Variants in PPP2R2C observed in about 807,000 individuals in gnomAD.
The protein encoded by PPP2R2C is protein phosphatase 2 regulatory subunit Bgamma, also known as protein phosphatase 2, regulatory subunit B, gamma.
In PPP2R2C, 10 loss-of-function variants were observed where a neutral mutation model predicts 45.3. The observed-to-expected ratio is 0.22, with a 90% CI of 0.14 to 0.37. The LOEUF (loss-of-function observed/expected upper bound fraction) is 0.37, where lower values mean the gene tolerates loss of function less well. Among genes scored for constraint, PPP2R2C ranks in the 10% least tolerant of loss-of-function variants. The probability of loss-of-function intolerance (pLI) is 1.00; values close to 1 mark genes in which losing one functional copy is unlikely to be tolerated. For synonymous variants in PPP2R2C, 257 were observed against 245.4 expected (o/e 1.05, Z -0.44); for missense variants, 308 against 619.7 (o/e 0.50, Z 5.34).
At chr4:6,459,248 A>G (rs4689008) in intron 1 of PPP2R2C, among the ~76,000 whole-genome samples, 27,912 of 152,098 alleles carry the variant, frequency 0.18, 2,753 homozygotes, top group East Asian at 0.38. Flanking sequence ...GCTGGATATT[A>G]GGCAGGCAGC....
At chr4:6,477,458 G>A (rs1722201467), upstream of PPP2R2C, among the ~76,000 whole-genome samples, 1 of 152,126 alleles carries the variant, frequency 6.6e-6, no homozygotes, top group African/African-American at 2.4e-5. Context: ...TGGGCACGGT[G>A]CCTCACGCCT....
At chr4:6,452,748 C>A (rs1367491781) in intron 1 of PPP2R2C, among the ~76,000 whole-genome samples, 1 of 152,238 alleles carries the variant, frequency 6.6e-6, no homozygotes, top group African/African-American at 2.4e-5. Context: ...GTGGGGCTCA[C>A]AGGGTGAGAC....
intron 1 of PPP2R2C, among the ~76,000 whole-genome samples, chr4:6,537,566 T>C (rs1229849647): frequency 6.6e-6 from 1 of 151,566 alleles, no homozygotes; most frequent in Non-Finnish European, 1.5e-5. Flanking sequence ...TTTTTTTTTT[T>C]TGGAGATGGA....
At chr4:6,469,384 T>C (rs1721745885) in intron 1 of PPP2R2C, among the ~76,000 whole-genome samples, 2 of 152,122 alleles carry the variant, frequency 1.3e-5, no homozygotes, top group African/African-American at 4.8e-5. Flanking sequence ...AGCTGGGGTG[T>C]GGTGGGGGAG....
chr4:6,511,749 GGCA>G, intron 2 of PPP2R2C, among the ~76,000 whole-genome samples: 1 of 91,778 alleles, frequency 1.1e-5, no homozygotes, highest in Non-Finnish European at 2.4e-5. Flanking sequence ...TGGTGGTGAT[GGCA>G]ATGGTGGTGG....
chr4:6,396,424 C>T lies in PPP2R2C; in HGVS notation c.71-15330G>A, dbSNP rs189118720. ...ACAGAGGCACATTCAGCAGGGCTGA[C>T]GGAGATAGGCAGGTCTGGAGCCCTC... On this transcript the variant is annotated intron_variant, in intron 1 of 8. Transcript: ENST00000382599. Among the ~76,000 whole-genome samples the T allele has an allele frequency of 1.0e-3, 155 of 152,294 alleles. 1 individual carries two copies. The highest frequency in any genetic ancestry group is 3.5e-3 in the African/African-American group (145 of 41,562).
intron 6 of PPP2R2C, among the ~76,000 whole-genome samples, chr4:6,340,598 C>A (rs555577090): frequency 1.3e-5 from 2 of 152,144 alleles, no homozygotes; most frequent in Admixed American, 6.5e-5. Context: ...GCAGGGCCCA[C>A]CACCTTCCCC....
At position 6,372,679 on chromosome 4, in the gene PPP2R2C, C is replaced by T. The variant is rs1714947709; in HGVS notation, c.469G>A (p.Asp157Asn). 6.2e-7 allele frequency: 1 copy of T among 1,614,000 alleles called. No homozygotes were observed. The highest frequency in any genetic ancestry group is 8.5e-7 in the Non-Finnish European group (1 of 1,179,976). The change falls in exon 5 of 9, where the codon GAT becomes AAT. Residue 157 changes from aspartate to asparagine, a missense_variant. Transcript: ENST00000382599. Reference sequence around the variant, plus strand: ...CGAGGGCTCACCTCCACCATCAGATCCATGGGCTTCAGCACTGGCACCTGC... The same window carrying T: ...CGAGGGCTCACCTCCACCATCAGATTCATGGGCTTCAGCACTGGCACCTGC... Reference protein sequence around the residue: ...SLQVPVLKPMDLMVEVSPRRI... With the variant: ...SLQVPVLKPMNLMVEVSPRRI...
At chr4:6,493,533 C>CA (rs1722777388) in intron 2 of PPP2R2C, among the ~76,000 whole-genome samples, 2 of 151,540 alleles carry the variant, frequency 1.3e-5, no homozygotes, top group East Asian at 3.9e-4. Context: ...ATCAAGATGA[C>CA]ACACTCCGTA....
chr4:6,422,776 C>T (rs1719061935), intron 1 of PPP2R2C, among the ~76,000 whole-genome samples: 1 of 152,228 alleles, frequency 6.6e-6, no homozygotes, highest in Non-Finnish European at 1.5e-5. Context: ...TGTCTCAAAA[C>T]ACAGTCACAT....
At chr4:6,417,367 A>G (rs561731628) in intron 1 of PPP2R2C, among the ~76,000 whole-genome samples, 11 of 152,336 alleles carry the variant, frequency 7.2e-5, no homozygotes, top group African/African-American at 2.6e-4. Flanking sequence ...CCCTTGTTCC[A>G]CTGTCTGCTG....
rs1243589475 is a variant in PPP2R2C, at chr4:6,368,845, T to C, written c.625+3678A>G. Among the ~76,000 whole-genome samples, 1 of 152,074 alleles carries C rather than the reference T, an allele frequency of 6.6e-6. No individual in the cohort carries two copies. The highest frequency in any genetic ancestry group is 2.4e-5 in the African/African-American group (1 of 41,398). ...CCACCCACGACACACACCCACGACATACACACCTCCAAAGCTGGCTAGTGA... is the reference window on the plus strand; with the variant it reads ...CCACCCACGACACACACCCACGACACACACACCTCCAAAGCTGGCTAGTGA... On this transcript the variant is annotated intron_variant, in intron 5 of 8. Coordinates refer to ENST00000382599, the MANE Select transcript of PPP2R2C (RefSeq NM_020416.4). The surrounding 1 kb of genome is among the most constrained non-coding windows in gnomAD (Gnocchi z 4.2).
At chr4:6,358,552 C>T (rs1713441789) in intron 5 of PPP2R2C, among the ~76,000 whole-genome samples, 1 of 147,190 alleles carries the variant, frequency 6.8e-6, no homozygotes, top group Admixed American at 6.8e-5. Flanking sequence ...TCAGAGCAAA[C>T]AGGCAACCTA....
intron 6 of PPP2R2C, among the ~76,000 whole-genome samples, chr4:6,337,869 G>T: frequency 6.6e-6 from 1 of 152,232 alleles, no homozygotes; most frequent in East Asian, 1.9e-4. Flanking sequence ...GCAAACGATA[G>T]ATCGGAAGGG....
intron 1 of PPP2R2C, among the ~76,000 whole-genome samples, chr4:6,401,374 A>G (rs2109350075): frequency 6.6e-6 from 1 of 152,268 alleles, no homozygotes; most frequent in South Asian, 2.1e-4. Context: ...CTTCACTTCT[A>G]CATTTATTTT....
chr4:6,446,834 G>A (rs1019233584), intron 1 of PPP2R2C, among the ~76,000 whole-genome samples: 24 of 152,026 alleles, frequency 1.6e-4, no homozygotes, highest in African/African-American at 3.4e-4. Context: ...GAGAGGATAC[G>A]GCAGCTCACA....
At chr4:6,486,694 A>G (rs1722540004) in intron 2 of PPP2R2C, among the ~76,000 whole-genome samples, 1 of 152,056 alleles carries the variant, frequency 6.6e-6, no homozygotes, top group African/African-American at 2.4e-5. Flanking sequence ...GTGTTAGTTA[A>G]CGCAATATAT....
chr4:6,382,500 T>A (rs778546762), intron 1 of PPP2R2C: 23 of 1,352,038 alleles, frequency 1.7e-5, no homozygotes, highest in Non-Finnish European at 2.1e-5. Context: ...TTCAAAACCC[T>A]TCATTGGTCA....
intron 2 of PPP2R2C, among the ~76,000 whole-genome samples, chr4:6,530,170 C>T (rs753287091): frequency 1.3e-4 from 20 of 152,132 alleles, no homozygotes; most frequent in Non-Finnish European, 2.6e-4. Flanking sequence ...TGGAATATGA[C>T]GTCTTAAGCC....
Sources: gnomAD v4.1 joint callset for allele counts (sites outside exome capture counted in the v4.1 genomes callset) on GRCh38, gnomAD v4.1.1 for gene constraint, Gnocchi (gnomAD v3.1) non-coding constraint, MANE v1.5 for transcripts, NCBI Gene and HGNC (gene_info 2026-07-23, HGNC 2026-07-21) for gene names.